The following SETBP1 variants were observed in gnomAD, a reference collection of about 807,000 sequenced individuals.
SETBP1 encodes the protein SET binding protein 1.
In SETBP1, 9 loss-of-function variants were observed where a neutral mutation model predicts 101.0. The observed-to-expected ratio is 0.09, with a 90% CI of 0.05 to 0.16. The LOEUF (loss-of-function observed/expected upper bound fraction) is 0.16. SETBP1 is among the 10% of genes least tolerant of loss of function. The probability of loss-of-function intolerance (pLI) is 1.00; values close to 1 mark genes in which losing one functional copy is unlikely to be tolerated. For missense variants in SETBP1, 1,858 were observed against 2,033.8 expected (o/e 0.91, Z 1.66); for synonymous variants, 818 against 788.5 (o/e 1.04, Z -0.63).
intron 4 of SETBP1, among the ~76,000 whole-genome samples, chr18:45,011,353 G>A (rs1221657680): frequency 6.6e-6 from 1 of 152,188 alleles, no homozygotes; most frequent in Non-Finnish European, 1.5e-5. Flanking sequence ...TCTGGTGCAG[G>A]AATTCTCAAA....
At chr18:44,808,128 CA>C (rs1347657772) in intron 2 of SETBP1, among the ~76,000 whole-genome samples, 1 of 152,176 alleles carries the variant, frequency 6.6e-6, no homozygotes, top group Non-Finnish European at 1.5e-5. Flanking sequence ...TGCTTTAAGC[CA>C]AGAGGCAGTA....
At chr18:44,699,476 CA>C (rs1387535542) in intron 1 of SETBP1, among the ~76,000 whole-genome samples, 4 of 152,066 alleles carry the variant, frequency 2.6e-5, no homozygotes, top group Non-Finnish European at 2.9e-5. Flanking sequence ...CTAGATGAGA[CA>C]AAAAATCTTA....
intron 5 of SETBP1, among the ~76,000 whole-genome samples, chr18:45,045,304 A>G (rs953353503): frequency 1.3e-5 from 2 of 152,014 alleles, no homozygotes; most frequent in Non-Finnish European, 2.9e-5. Flanking sequence ...CACCTATAAT[A>G]CCAGCTACTC....
chr18:44,736,929 ACTCT>A (rs1220170304), intron 2 of SETBP1, among the ~76,000 whole-genome samples: 1 of 151,616 alleles, frequency 6.6e-6, no homozygotes, highest in African/African-American at 2.4e-5. Context: ...CTCTGTGCTC[ACTCT>A]CTCTCTCTTA....
At chr18:44,756,977 C>G (rs1175078351) in intron 2 of SETBP1, among the ~76,000 whole-genome samples, 1 of 152,048 alleles carries the variant, frequency 6.6e-6, no homozygotes, top group Non-Finnish European at 1.5e-5. Context: ...ATTTTGGTGC[C>G]CTGCAGATGG....
At chr18:44,967,708 G>A (rs1038757835) in intron 4 of SETBP1, among the ~76,000 whole-genome samples, 1 of 152,130 alleles carries the variant, frequency 6.6e-6, no homozygotes, top group African/African-American at 2.4e-5. Context: ...GCTTCTAGGG[G>A]CTGCCCACAT....
chr18:44,882,056 T>C (rs1264903480), intron 3 of SETBP1, among the ~76,000 whole-genome samples: 5 of 152,094 alleles, frequency 3.3e-5, no homozygotes, highest in African/African-American at 7.2e-5. Context: ...GGGGTTTTCA[T>C]TGTCTCCCTT....
At chr18:44,798,238 A>G (rs1039706795) in intron 2 of SETBP1, among the ~76,000 whole-genome samples, 2 of 152,146 alleles carry the variant, frequency 1.3e-5, no homozygotes, top group Non-Finnish European at 2.9e-5. Context: ...CTTTCAAGAC[A>G]TAGTTGCTGA....
intron 3 of SETBP1, among the ~76,000 whole-genome samples, chr18:44,945,810 A>G (rs187282793): frequency 5.8e-4 from 89 of 152,284 alleles, no homozygotes; most frequent in Non-Finnish European, 1.0e-3. Context: ...GAGAAAAAGG[A>G]GATGTGGTGC....
intron 2 of SETBP1, among the ~76,000 whole-genome samples, chr18:44,829,141 AG>A (rs1744937210): frequency 1.3e-5 from 2 of 152,330 alleles, no homozygotes; most frequent in Admixed American, 1.3e-4. Flanking sequence ...AGTGACTTAG[AG>A]TGAAGAGAAA....
intron 3 of SETBP1, among the ~76,000 whole-genome samples, chr18:44,940,655 T>A (rs779023460): frequency 1.3e-5 from 2 of 152,230 alleles, no homozygotes; most frequent in African/African-American, 2.4e-5. Flanking sequence ...ATATGTACGC[T>A]CTTATTCTTT....
intron 3 of SETBP1, among the ~76,000 whole-genome samples, chr18:44,897,116 A>C (rs1158720397): frequency 6.6e-6 from 1 of 152,100 alleles, no homozygotes; most frequent in Non-Finnish European, 1.5e-5. Flanking sequence ...AGCACGATAG[A>C]GGTTAAGATT....
rs960931496 is a variant in SETBP1 at position 45,019,727 on chromosome 18, C to T, written c.4001-18758C>T. On this transcript the variant is annotated intron_variant, in intron 4 of 5. Coordinates refer to ENST00000649279, the MANE Select transcript of SETBP1 (RefSeq NM_015559.3). The stretch of plus-strand genomic sequence containing the variant: ...GCAACTTCTTAATCCCACATTAGGC[C>T]ATTACCTGTTTGAACCCAGGGCTAA... Among the ~76,000 whole-genome samples the T allele has an allele frequency of 2.6e-5, 4 of 152,112 alleles. No homozygotes were observed. In the South Asian group the frequency reaches 6.2e-4, roughly 24 times the overall value.
At chr18:44,749,703 T>C (rs2070339503) in intron 2 of SETBP1, among the ~76,000 whole-genome samples, 1 of 152,172 alleles carries the variant, frequency 6.6e-6, no homozygotes, top group South Asian at 2.1e-4. Context: ...AAATCTAAGA[T>C]ATCATAAACT....
chr18:44,812,908 C>T lies in SETBP1; in HGVS notation c.487-56322C>T, dbSNP rs149204003. 2.0e-5 allele frequency among the ~76,000 whole-genome samples: 3 copies of T among 152,312 alleles called. No homozygotes were observed. The East Asian group carries it at 5.8e-4, about 29-fold the overall frequency. On this transcript the variant is annotated intron_variant, in intron 2 of 5. Coordinates refer to ENST00000649279, the MANE Select transcript of SETBP1 (RefSeq NM_015559.3). Reference sequence around the variant, plus strand: ...ATTATTTTCCTTGATGTGAAAACCTCACAGGCCAGAAGTGTTGCCAAGATT... The same window carrying T: ...ATTATTTTCCTTGATGTGAAAACCTTACAGGCCAGAAGTGTTGCCAAGATT...
chr18:44,873,018 G>A (rs984630672), intron 3 of SETBP1, among the ~76,000 whole-genome samples: 1 of 152,218 alleles, frequency 6.6e-6, no homozygotes, highest in African/African-American at 2.4e-5. Flanking sequence ...AAGGGTGGCT[G>A]TTTTTAATGA....
At chr18:44,808,069 C>G (rs1254808727) in intron 2 of SETBP1, among the ~76,000 whole-genome samples, 1 of 152,144 alleles carries the variant, frequency 6.6e-6, no homozygotes, top group African/African-American at 2.4e-5. Context: ...GATATCAAAA[C>G]CCCACCAGCA....
At chr18:44,849,497 T>C (rs2072801383) in intron 2 of SETBP1, among the ~76,000 whole-genome samples, 2 of 152,136 alleles carry the variant, frequency 1.3e-5, no homozygotes, top group Admixed American at 1.3e-4. Flanking sequence ...CCCGGGATGG[T>C]TTCCCTATTT....
chr18:44,802,393 G>A (rs959562428), intron 2 of SETBP1, among the ~76,000 whole-genome samples: 6 of 152,276 alleles, frequency 3.9e-5, no homozygotes, highest in East Asian at 1.9e-4. Context: ...CAGGATTGGG[G>A]ACTTTAGCTT....
Sources: gnomAD v4.1 joint callset for allele counts (sites outside exome capture counted in the v4.1 genomes callset) on GRCh38, gnomAD v4.1.1 for gene constraint, MANE v1.5 for transcripts, NCBI Gene and HGNC (gene_info 2026-07-23, HGNC 2026-07-21) for gene names.